IFT43: variants seen among roughly 807,000 people sequenced by gnomAD.
IFT43 encodes intraflagellar transport 43.
Under a neutral mutation model 32.3 loss-of-function variants are expected in IFT43, and 33 were observed. The ratio of observed to expected loss-of-function variants is 1.02; its 90% CI spans 0.77 to 1.37. The LOEUF is 1.37. Among genes scored for constraint, IFT43 ranks in the 40% most tolerant of loss-of-function variants. IFT43 has a pLI of 0.00. For synonymous variants in IFT43, 93 were observed against 98.2 expected (o/e 0.95, Z 0.31); for missense variants, 274 against 265.9 (o/e 1.03, Z -0.21).
chr14:76,024,065 A>G (rs188541264), intron 3 of IFT43, among the ~76,000 whole-genome samples: 1 of 152,328 alleles, frequency 6.6e-6, no homozygotes, highest in Admixed American at 6.5e-5. Flanking sequence ...CTAAAATAAA[A>G]CAAAGCAGAA....
chr14:76,025,458 T>C (rs116433637), intron 3 of IFT43, among the ~76,000 whole-genome samples: 9,962 of 152,072 alleles, frequency 0.066, 505 homozygotes, highest in East Asian at 0.12. Context: ...TTAAAATTTA[T>C]ATGGAACAAA....
Position 75,999,227 on chromosome 14 carries a change from TTA to T in IFT43, c.147+10294_147+10295del, listed in dbSNP as rs1162371057. On this transcript the variant is annotated intron_variant, in intron 2 of 8. Transcript: ENST00000314067. ...ATATTCATTTATATATAAATTCATT[TTA>T]TATATATATATATATATATATATAT... Among the ~76,000 whole-genome samples, 781 of 95,896 alleles carry T rather than the reference TTA, an allele frequency of 8.1e-3. 3 individuals are homozygous for T. The highest frequency in any genetic ancestry group is 0.012 in the East Asian group (41 of 3,484). The allele number at this position is 95,896 out of a possible 152,430, so 62.9% of individuals were successfully genotyped here.
intron 2 of IFT43, among the ~76,000 whole-genome samples, chr14:76,002,854 T>C (rs989197682): frequency 2.0e-5 from 3 of 152,170 alleles, no homozygotes; most frequent in Non-Finnish European, 2.9e-5. Flanking sequence ...AGACTCTACT[T>C]GAAAGAGCTG....
chr14:76,005,058 G>A (rs576988243), intron 2 of IFT43, among the ~76,000 whole-genome samples: 1 of 152,010 alleles, frequency 6.6e-6, no homozygotes, highest in South Asian at 2.1e-4. Flanking sequence ...CTAACATCTG[G>A]GTCATCTTGG....
chr14:76,050,743 A>C (rs1176034900), intron 3 of IFT43, among the ~76,000 whole-genome samples: 1 of 152,066 alleles, frequency 6.6e-6, no homozygotes. Context: ...CCAATTCCCA[A>C]CACCTCTCAC....
intron 2 of IFT43, among the ~76,000 whole-genome samples, chr14:76,015,066 T>TGCCGAGTTCTATA (rs2036159418): frequency 6.6e-6 from 1 of 152,218 alleles, no homozygotes; most frequent in Non-Finnish European, 1.5e-5. Flanking sequence ...TTGCACCTAG[T>TGCCGAGTTCTATA]GCACATGGGA....
chr14:75,996,932 A>C (rs2035758226), intron 2 of IFT43, among the ~76,000 whole-genome samples: 1 of 152,204 alleles, frequency 6.6e-6, no homozygotes, highest in Non-Finnish European at 1.5e-5. Flanking sequence ...AATTAACCAG[A>C]CATGCTCCCT....
chr14:76,040,293 C>T (rs1160217986), intron 3 of IFT43, among the ~76,000 whole-genome samples: 3 of 152,176 alleles, frequency 2.0e-5, no homozygotes, highest in Admixed American at 2.0e-4. Flanking sequence ...CCAAAATTTC[C>T]TGTCTCAGTA....
At chr14:76,026,405 G>T (rs2036395200) in intron 3 of IFT43, among the ~76,000 whole-genome samples, 1 of 151,878 alleles carries the variant, frequency 6.6e-6, no homozygotes. Flanking sequence ...CTAAAAATAC[G>T]AAATTAGTGG....
intron 2 of IFT43, among the ~76,000 whole-genome samples, chr14:75,997,119 G>T (rs1035337209): frequency 6.6e-6 from 1 of 152,222 alleles, no homozygotes; most frequent in Non-Finnish European, 1.5e-5. Flanking sequence ...AATTAGCCAA[G>T]AGAAGAGGGG....
intron 2 of IFT43, among the ~76,000 whole-genome samples, chr14:76,003,084 A>G (rs2035920190): frequency 6.6e-6 from 1 of 152,246 alleles, no homozygotes; most frequent in Admixed American, 6.5e-5. Context: ...TTCTTTAAAT[A>G]ATGATACTTT....
chr14:75,995,992 T>C lies in IFT43; in HGVS notation c.147+7015T>C, dbSNP rs191327919. On this transcript the variant is annotated intron_variant, in intron 2 of 8. Transcript: ENST00000314067. ...TGTCATCTCAGGGTAGAGCCTGCAA[T>C]TGGAAATCAACATCTTGAGATTCTC... Among the ~76,000 whole-genome samples the C allele has an allele frequency of 1.8e-3, 278 of 152,270 alleles. 1 individual carries two copies. The highest frequency in any genetic ancestry group is 6.5e-3 in the African/African-American group (269 of 41,558).
At chr14:75,998,463 GA>G (rs1429071850) in intron 2 of IFT43, among the ~76,000 whole-genome samples, 1 of 152,178 alleles carries the variant, frequency 6.6e-6, no homozygotes, top group Non-Finnish European at 1.5e-5. Flanking sequence ...GGAAGTGGAC[GA>G]ACAGACAGAA....
chr14:76,039,401 C>T (rs2036664683), intron 3 of IFT43, among the ~76,000 whole-genome samples: 1 of 152,146 alleles, frequency 6.6e-6, no homozygotes, highest in Admixed American at 6.5e-5. Context: ...TCACGCAATC[C>T]TCCTGCCTTG....
intron 3 of IFT43, among the ~76,000 whole-genome samples, chr14:76,045,682 A>C (rs1057232035): frequency 1.3e-5 from 2 of 152,170 alleles, no homozygotes; most frequent in South Asian, 2.1e-4. Flanking sequence ...GATGGCTGCT[A>C]TACTGCCAAG....
intron 2 of IFT43, among the ~76,000 whole-genome samples, chr14:75,994,480 G>A (rs549224669): frequency 2.6e-5 from 4 of 152,334 alleles, no homozygotes; most frequent in East Asian, 3.9e-4. Context: ...GTAGATTGGA[G>A]TTGTGTCTAC....
chr14:75,997,438 T>G (rs1372339766), intron 2 of IFT43, among the ~76,000 whole-genome samples: 1 of 152,262 alleles, frequency 6.6e-6, no homozygotes, highest in Admixed American at 6.5e-5. Flanking sequence ...GCCTTGTCTT[T>G]TATTGCTGCA....
intron 2 of IFT43, among the ~76,000 whole-genome samples, chr14:75,996,431 GCTAA>G (rs1181928858): frequency 6.6e-6 from 1 of 152,162 alleles, no homozygotes; most frequent in Admixed American, 6.5e-5. Context: ...CCCAACACCT[GCTAA>G]CTATTATTGT....
chr14:75,996,992 G>A (rs1022089150), intron 2 of IFT43, among the ~76,000 whole-genome samples: 4 of 152,172 alleles, frequency 2.6e-5, no homozygotes, highest in African/African-American at 7.2e-5. Flanking sequence ...TCAGGTAGAG[G>A]TGATTACAGA....
Sources: gnomAD v4.1 joint callset for allele counts (sites outside exome capture counted in the v4.1 genomes callset) on GRCh38, gnomAD v4.1.1 for gene constraint, MANE v1.5 for transcripts, NCBI Gene and HGNC (gene_info 2026-07-23, HGNC 2026-07-21) for gene names.